CHRNA3: variants seen among roughly 807,000 people sequenced by gnomAD.
CHRNA3 encodes the protein cholinergic receptor nicotinic alpha 3 subunit.
Under a neutral mutation model 41.9 loss-of-function variants are expected in CHRNA3, and 34 were observed. The ratio of observed to expected loss-of-function variants is 0.81; its 90% CI spans 0.62 to 1.08. CHRNA3 has a LOEUF of 1.08. Ranked by LOEUF, CHRNA3 falls within the 50% of genes least tolerant of loss-of-function variation. CHRNA3 has a pLI of 0.00. For missense variants in CHRNA3, 542 were observed against 638.3 expected (o/e 0.85, Z 1.63); for synonymous variants, 281 against 265.2 (o/e 1.06, Z -0.58).
intron 4 of CHRNA3, among the ~76,000 whole-genome samples, chr15:78,603,973 AG>A (rs2053244868): frequency 6.6e-6 from 1 of 151,968 alleles, no homozygotes; most frequent in Non-Finnish European, 1.5e-5. Context: ...GGCCCTGGAG[AG>A]GGCTGGGCTA....
intron 4 of CHRNA3, among the ~76,000 whole-genome samples, chr15:78,614,873 TG>T (rs886561973): frequency 1.3e-5 from 2 of 152,218 alleles, no homozygotes; most frequent in African/African-American, 4.8e-5. Flanking sequence ...GTATCAGTTT[TG>T]TGTGGACTTA....
chr15:78,605,135 A>C (rs1322910746), intron 4 of CHRNA3, among the ~76,000 whole-genome samples: 1 of 152,184 alleles, frequency 6.6e-6, no homozygotes, highest in African/African-American at 2.4e-5. Flanking sequence ...GTATGGGTGC[A>C]AATGATCAGC....
In CHRNA3 at chr15:78,618,663, T is replaced by TAG. The variant is rs1279015581; in HGVS notation, c.223-4_223-3dup. ...CTCCATGATCTGGTTTACTTCATCC[T>TAG]AGAAAGAGGAATTAAAGTTGACAGG... is the stretch of plus-strand genomic sequence containing the variant. On this transcript the variant is annotated splice_region_variant and splice_polypyrimidine_tract_variant and intron_variant, in intron 2 of 5. Transcript: ENST00000326828. 2 of 1,614,128 alleles carry TAG rather than the reference T, an allele frequency of 1.2e-6. No homozygotes were observed. Among genetic ancestry groups the TAG allele is most frequent in the East Asian group, 2.2e-5 (1 of 44,876 alleles).
intron 1 of CHRNA3, 68 bp downstream of exon 1, chr15:78,620,645 G>A: frequency 6.8e-7 from 1 of 1,473,308 alleles, no homozygotes; most frequent in Non-Finnish European, 8.9e-7. Context: ...CTCGCCGGCA[G>A]CCCCTCCGGA....
chr15:78,604,456 A>C (rs755005754), intron 4 of CHRNA3, among the ~76,000 whole-genome samples: 3 of 152,228 alleles, frequency 2.0e-5, no homozygotes, highest in Non-Finnish European at 2.9e-5. Flanking sequence ...GCATGTGCCC[A>C]AAGAACATAT....
intron 4 of CHRNA3, among the ~76,000 whole-genome samples, chr15:78,606,627 G>C (rs889260942): frequency 2.6e-5 from 4 of 151,914 alleles, no homozygotes; most frequent in Non-Finnish European, 5.9e-5. Flanking sequence ...CAGGGGTGGT[G>C]GCTCAGGCCT....
chr15:78,598,348 T>G (rs1268520829), intron 5 of CHRNA3, among the ~76,000 whole-genome samples: 1 of 152,002 alleles, frequency 6.6e-6, no homozygotes, highest in Non-Finnish European at 1.5e-5. Context: ...GTTTTATACA[T>G]GAATAGAAAT....
At chr15:78,606,099 T>C (rs1413215077) in intron 4 of CHRNA3, among the ~76,000 whole-genome samples, 1 of 151,932 alleles carries the variant, frequency 6.6e-6, no homozygotes, top group Non-Finnish European at 1.5e-5. Context: ...GACAGGTGGA[T>C]TACCTGAAGT....
In CHRNA3 at chr15:78,618,863, A is replaced by G; in HGVS notation, c.135T>C (p.Asp45=). 1 of 1,614,058 alleles carries G rather than the reference A, an allele frequency of 6.2e-7. No homozygotes were observed. Among genetic ancestry groups the G allele is most frequent in the South Asian group, 1.1e-5 (1 of 91,080 alleles). ...CTACAGGCCGGATGATCTCATTGTA[A>G]TCTTCAAACAGCCGCTCAAATAGAC... ...EHRLFERLFE[D]YNEIIRPVAN... The change falls in exon 2 of 6, where the codon GAT becomes GAC. Residue 45 remains aspartate, a synonymous_variant. Coordinates refer to ENST00000326828, the MANE Select transcript of CHRNA3 (RefSeq NM_000743.5).
At position 78,596,664 on chromosome 15, in the gene CHRNA3, C is replaced by A. The variant is rs773547817; in HGVS notation, c.1458G>T (p.Val486=). Residue 486 remains valine, a synonymous_variant, in exon 6 of 6, where the codon GTG becomes GTT. Transcript: ENST00000326828. ...ACAATCCTGCTGTCCCTAGAATGCACACCAGGGTGAAAACCCACAGAAAAA... is the reference window on the plus strand; with the variant it reads ...ACAATCCTGCTGTCCCTAGAATGCAAACCAGGGTGAAAACCCACAGAAAAA... The part of the protein sequence containing the change: ...DRIFLWVFTL[V]CILGTAGLFL... 2.2e-5 allele frequency: 35 copies of A among 1,613,088 alleles called. No homozygotes were observed. The highest frequency in any genetic ancestry group is 3.0e-5 in the Non-Finnish European group (35 of 1,179,908).
chr15:78,605,718 C>T (rs2053273670), intron 4 of CHRNA3, among the ~76,000 whole-genome samples: 1 of 152,082 alleles, frequency 6.6e-6, no homozygotes, highest in Non-Finnish European at 1.5e-5. Flanking sequence ...GAGACCCACT[C>T]AGAGAAAAAG....
chr15:78,604,877 G>C (rs2053258984), intron 4 of CHRNA3, among the ~76,000 whole-genome samples: 1 of 152,156 alleles, frequency 6.6e-6, no homozygotes, highest in African/African-American at 2.4e-5. Flanking sequence ...GCCAGGTGTG[G>C]TGGTGCACAC....
In CHRNA3 at chr15:78,602,346, A is replaced by C. The variant is rs74877920; in HGVS notation, c.378-82T>G. On this transcript the variant is annotated intron_variant, in intron 4 of 5. Coordinates refer to ENST00000326828, the MANE Select transcript of CHRNA3 (RefSeq NM_000743.5). ...GTGGTCATCTCAACCAGCTTCTCAC[A>C]GTAAGTAATGATTTGGAAGGCACTG... 296 of 1,422,602 alleles carry C rather than the reference A, an allele frequency of 2.1e-4. 1 individual carries two copies. Among genetic ancestry groups the C allele is most frequent in the Non-Finnish European group, 2.7e-4 (279 of 1,047,034 alleles). The allele number at this position is 1,422,602 out of a possible 1,614,324, so 88.1% of individuals were successfully genotyped here.
Position 78,596,540 on chromosome 15 carries a change from T to C in CHRNA3, c.*64A>G. 1 of 1,382,286 alleles carries C rather than the reference T, an allele frequency of 7.2e-7. No homozygotes were observed. The highest frequency in any genetic ancestry group is 1.5e-5 in the African/African-American group (1 of 67,770). The allele number at this position is 1,382,286 out of a possible 1,614,324, so 85.6% of individuals were successfully genotyped here. A position where few individuals can be genotyped will look rare whatever the true frequency, so the allele number is the denominator to read the frequency against. On this transcript the variant is annotated 3_prime_UTR_variant, in exon 6 of 6. Coordinates refer to ENST00000326828, the MANE Select transcript of CHRNA3 (RefSeq NM_000743.5). ...TTGATAACAGAAAGTACGTTCTTAC[T>C]AGGAAGCAGCCTCCTCCTGCCCTGA...
chr15:78,601,229 A>G (rs771993062), intron 5 of CHRNA3, 24 bp downstream of exon 5: 4 of 1,599,278 alleles, frequency 2.5e-6, no homozygotes, highest in Non-Finnish European at 2.6e-6. Flanking sequence ...TGAATGACCA[A>G]TGTAATAAAA....
chr15:78,598,947 C>T (rs748580167), intron 5 of CHRNA3, among the ~76,000 whole-genome samples: 5 of 151,162 alleles, frequency 3.3e-5, no homozygotes, highest in Non-Finnish European at 7.4e-5. Flanking sequence ...AATTCTTGTG[C>T]CTCAGACTCC....
At chr15:78,597,948 A>C (rs1286385179) in intron 5 of CHRNA3, among the ~76,000 whole-genome samples, 1 of 152,206 alleles carries the variant, frequency 6.6e-6, no homozygotes, top group East Asian at 1.9e-4. Context: ...TAAAATTAGA[A>C]TTATGATGCC....
intron 4 of CHRNA3, among the ~76,000 whole-genome samples, chr15:78,606,412 A>ACCAT (rs1159806476): frequency 1.3e-5 from 2 of 151,876 alleles, no homozygotes; most frequent in Non-Finnish European, 2.9e-5. Flanking sequence ...AAATAGAGCC[A>ACCAT]CCAAGCAGAT....
chr15:78,606,757 G>C (rs1369942146), intron 4 of CHRNA3, among the ~76,000 whole-genome samples: 4 of 151,954 alleles, frequency 2.6e-5, no homozygotes, highest in Non-Finnish European at 5.9e-5. Flanking sequence ...AAATTAGCCG[G>C]ATGTGGTGGT....
Sources: gnomAD v4.1 joint callset for allele counts (sites outside exome capture counted in the v4.1 genomes callset) on GRCh38, gnomAD v4.1.1 for gene constraint, MANE v1.5 for transcripts, NCBI Gene and HGNC (gene_info 2026-07-23, HGNC 2026-07-21) for gene names.